SRGAP1: variants seen among roughly 807,000 people sequenced by gnomAD.
SRGAP1 encodes SLIT-ROBO Rho GTPase activating protein 1, also known as SLIT-ROBO Rho GTPase-activating protein 1.
In SRGAP1, 43 loss-of-function variants were observed where a neutral mutation model predicts 121.9. That is an observed-to-expected ratio of 0.35 (90% CI 0.28 to 0.46). The LOEUF is 0.46. Among genes scored for constraint, SRGAP1 ranks in the 20% least tolerant of loss-of-function variants. SRGAP1 has a pLI of 1.00. For synonymous variants in SRGAP1, 447 were observed against 485.4 expected (o/e 0.92, Z 1.04); for missense variants, 1,102 against 1,350.9 (o/e 0.82, Z 2.89).
intron 6 of SRGAP1, among the ~76,000 whole-genome samples, chr12:64,053,286 C>A (rs893249356): frequency 6.6e-6 from 1 of 152,076 alleles, no homozygotes; most frequent in African/African-American, 2.4e-5. Flanking sequence ...GCAAAAGTAG[C>A]CATAGATAAT....
At chr12:64,095,017 T>C in intron 13 of SRGAP1, 25 bp downstream of exon 13, 1 of 1,613,092 alleles carries the variant, frequency 6.2e-7, no homozygotes, top group Non-Finnish European at 8.5e-7. Flanking sequence ...ACAGAATTCT[T>C]ATTTTTTAAA....
rs1440732003 is a variant in SRGAP1, at chr12:64,127,892, G to A, written c.2572G>A (p.Val858Ile). 2 of 1,613,160 alleles carry A rather than the reference G, an allele frequency of 1.2e-6. No homozygotes were observed. Among genetic ancestry groups the A allele is most frequent in the Non-Finnish European group, 1.7e-6 (2 of 1,179,338 alleles). ...QRKRGEPPPPVRRPGRTSDGH... is the reference protein window; with the variant it reads ...QRKRGEPPPPIRRPGRTSDGH... ...AAAAAGAGGAGAGCCACCCCCTCCA[G>A]TAAGGCGTCCTGGCAGGACCAGTGA... Residue 858 changes from valine (V) to isoleucine (I), a missense_variant, in exon 21 of 22, where the codon GTA becomes ATA. Transcript: ENST00000355086.
chr12:64,153,158 G>A lies in SRGAP1; in HGVS notation c.*10486G>A, dbSNP rs2037135137. 6.6e-6 allele frequency: 1 copy of A among 151,768 alleles called. No individual in the cohort carries two copies. Among genetic ancestry groups the A allele is most frequent in the African/African-American group, 2.4e-5 (1 of 41,290 alleles). 9.4% of individuals were successfully genotyped at this position (151,768 alleles called of 1,614,324 possible). On this transcript the variant is annotated 3_prime_UTR_variant, in exon 22 of 22. Transcript: ENST00000355086. ...TGTGAAAAGGAAGAGAAAGACCCAA[G>A]CAGAAGGAACTGCACATGGGAAAAC...
At position 64,115,903 on chromosome 12, in the gene SRGAP1, C is replaced by T; in HGVS notation, c.2224+10C>T. ...CACACAAGTGAAGATGGTATGCTCT[C>T]CCCTTATGCTATTATAAAGCCAGTC... On this transcript the variant is annotated intron_variant, in intron 18 of 21. Transcript: ENST00000355086. 6.2e-7 allele frequency: 1 copy of T among 1,605,434 alleles called. No homozygotes were observed. The highest frequency in any genetic ancestry group is 1.1e-5 in the South Asian group (1 of 89,776).
At chr12:64,003,090 G>GGGAGGGAGGGAAGGAGGGAA (rs777832380) in intron 3 of SRGAP1, among the ~76,000 whole-genome samples, 1 of 117,954 alleles carries the variant, frequency 8.5e-6, no homozygotes, top group Non-Finnish European at 1.7e-5. Flanking sequence ...AAGGGAGGGT[G>GGGAGGGAGGGAAGGAGGGAA]GGAGGGAGGG....
At position 64,126,076 on chromosome 12, in the gene SRGAP1, G is replaced by A. The variant is rs1186407039; in HGVS notation, c.2324G>A (p.Arg775His). 23 of 1,614,036 alleles carry A rather than the reference G, an allele frequency of 1.4e-5. No homozygotes were observed. The highest frequency in any genetic ancestry group is 1.9e-5 in the Non-Finnish European group (23 of 1,180,028). Residue 775 changes from arginine to histidine, a missense_variant, in exon 19 of 22, where the codon CGT (arginine) becomes CAT (histidine). Physicochemically the swap from Arg to His is conservative, Grantham distance 29. This residue lies in a region of SRGAP1 where 40 missense variants were observed against 78.4 expected (regional missense o/e 0.51). Coordinates refer to ENST00000355086, the MANE Select transcript of SRGAP1 (RefSeq NM_020762.4). ...GGTGCCTCCCTGCTGCTGTATCACC[G>A]TGCATCTGAGGACTGGTGGGAAGGC... Reference protein sequence around the residue: ...KKGASLLLYHRASEDWWEGRH... With the variant: ...KKGASLLLYHHASEDWWEGRH...
chr12:64,031,313 G>A (rs2034774182), intron 4 of SRGAP1, among the ~76,000 whole-genome samples: 1 of 102,310 alleles, frequency 9.8e-6, no homozygotes, highest in Non-Finnish European at 2.0e-5. Context: ...GCAAGACTCT[G>A]TCTCAAAAAA....
intron 21 of SRGAP1, among the ~76,000 whole-genome samples, chr12:64,139,737 T>G (rs1169603453): frequency 6.6e-6 from 1 of 151,812 alleles, no homozygotes; most frequent in Non-Finnish European, 1.5e-5. Flanking sequence ...CAGAAGCTCT[T>G]TAGTTTAATT....
At chr12:63,986,943 A>G (rs962077729) in intron 2 of SRGAP1, among the ~76,000 whole-genome samples, 3 of 152,210 alleles carry the variant, frequency 2.0e-5, no homozygotes, top group African/African-American at 7.2e-5. Context: ...ACTGAAGATA[A>G]GATGAATATG....
chr12:63,904,744 A>G (rs2030118602), intron 1 of SRGAP1, among the ~76,000 whole-genome samples: 1 of 152,106 alleles, frequency 6.6e-6, no homozygotes, highest in Non-Finnish European at 1.5e-5. Context: ...CAACGTGGTC[A>G]ACTTTGGGAG....
At chr12:64,050,770 G>A (rs2035222332) in intron 6 of SRGAP1, among the ~76,000 whole-genome samples, 1 of 152,096 alleles carries the variant, frequency 6.6e-6, no homozygotes, top group South Asian at 2.1e-4. Flanking sequence ...TGTTGCCCAG[G>A]CTGGAGTGCA....
At chr12:63,846,603 T>G (rs1898909674) in intron 1 of SRGAP1, among the ~76,000 whole-genome samples, 1 of 152,120 alleles carries the variant, frequency 6.6e-6, no homozygotes, top group Non-Finnish European at 1.5e-5. Context: ...ATGGTGAAAA[T>G]CACATTTGGA....
intron 8 of SRGAP1, among the ~76,000 whole-genome samples, chr12:64,067,626 A>T (rs1425243801): frequency 6.6e-6 from 1 of 152,142 alleles, no homozygotes; most frequent in African/African-American, 2.4e-5. Context: ...TTTCAATTAG[A>T]TTTTCGATAA....
At chr12:64,118,710 C>CTTATTTATGTAT (rs2036560378) in intron 18 of SRGAP1, among the ~76,000 whole-genome samples, 1 of 150,348 alleles carries the variant, frequency 6.7e-6, no homozygotes, top group Admixed American at 6.6e-5. Flanking sequence ...TCTTTGGTGC[C>CTTATTTATGTAT]TTATTTATTT....
chr12:63,926,637 G>C (rs2031272928), intron 1 of SRGAP1, among the ~76,000 whole-genome samples: 2 of 152,126 alleles, frequency 1.3e-5, no homozygotes, highest in African/African-American at 4.8e-5. Context: ...ATACAATGTG[G>C]AATGATTAAA....
chr12:64,021,553 A>G (rs1002916365), intron 4 of SRGAP1, among the ~76,000 whole-genome samples: 1 of 152,210 alleles, frequency 6.6e-6, no homozygotes, highest in African/African-American at 2.4e-5. Flanking sequence ...AGTAAGTGGC[A>G]GGGTGGGATC....
At chr12:64,020,858 A>AG (rs1325170705) in intron 4 of SRGAP1, among the ~76,000 whole-genome samples, 52 of 151,646 alleles carry the variant, frequency 3.4e-4, no homozygotes, top group Non-Finnish European at 6.6e-4. Context: ...AAAAAAAAAA[A>AG]AAAAGAAAAG....
intron 8 of SRGAP1, among the ~76,000 whole-genome samples, chr12:64,066,001 C>T (rs900119889): frequency 1.3e-5 from 2 of 151,166 alleles, no homozygotes; most frequent in African/African-American, 2.4e-5. Flanking sequence ...CTTGAATTCA[C>T]GTTCTCCTAA....
intron 1 of SRGAP1, among the ~76,000 whole-genome samples, chr12:63,857,749 TA>T (rs564810084): frequency 1.3e-5 from 2 of 151,940 alleles, no homozygotes; most frequent in Non-Finnish European, 2.9e-5. Flanking sequence ...CCTTGTTTGG[TA>T]AAAAAAACAC....
Sources: gnomAD v4.1 joint callset for allele counts (sites outside exome capture counted in the v4.1 genomes callset) on GRCh38, gnomAD v4.1.1 for gene constraint, gnomAD v4.1.1 regional missense constraint, MANE v1.5 for transcripts, NCBI Gene and HGNC (gene_info 2026-07-23, HGNC 2026-07-21) for gene names.